The following PPP1R2 variants were observed in gnomAD, a reference collection of about 807,000 sequenced individuals.
PPP1R2 encodes the protein protein phosphatase 1 regulatory inhibitor subunit 2.
In PPP1R2, 16 loss-of-function variants were observed where a neutral mutation model predicts 29.9. That is an observed-to-expected ratio of 0.53 (90% CI 0.36 to 0.81). PPP1R2 has a LOEUF of 0.81. Among genes scored for constraint, PPP1R2 ranks in the 30% least tolerant of loss-of-function variants. PPP1R2 has a pLI of 0.00. For missense variants in PPP1R2, 197 were observed against 252.7 expected (o/e 0.78, Z 1.49); for synonymous variants, 76 against 91.5 (o/e 0.83, Z 0.96).
chr3:195,538,123 A>G lies in PPP1R2; in HGVS notation c.122+4781T>C, dbSNP rs1719462005. Among the ~76,000 whole-genome samples the G allele has an allele frequency of 2.6e-5, 4 of 152,328 alleles. No individual in the cohort carries two copies. The South Asian group carries it at 8.3e-4, about 32-fold the overall frequency. On this transcript the variant is annotated intron_variant, in intron 1 of 5. Transcript: ENST00000618156. Reference sequence around the variant, plus strand: ...CCATTTACATGGCAGATCTGCCATGATGGTGAAAGCACCTGCTGGTTTCAG... The same window carrying G: ...CCATTTACATGGCAGATCTGCCATGGTGGTGAAAGCACCTGCTGGTTTCAG...
rs35777335 is a variant in PPP1R2, at chr3:195,530,849, T to G, written c.123-948A>C. On this transcript the variant is annotated intron_variant, in intron 1 of 5. Coordinates refer to ENST00000618156, the MANE Select transcript of PPP1R2 (RefSeq NM_006241.8). ...ATTATTTTTGTTTTTTGAGACAGAGTTTTGCTCTTGTCGCCCAGGCTGGAG... is the reference window on the plus strand; with the variant it reads ...ATTATTTTTGTTTTTTGAGACAGAGGTTTGCTCTTGTCGCCCAGGCTGGAG... Among the ~76,000 whole-genome samples the G allele has an allele frequency of 1.9e-3, 285 of 150,406 alleles. 3 individuals are homozygous for G. Among genetic ancestry groups the G allele is most frequent in the African/African-American group, 6.7e-3 (272 of 40,786 alleles).
At chr3:195,530,001 T>G (rs185233471) in intron 1 of PPP1R2, 100 bp from the exon 2 acceptor site, 1 of 804,526 alleles carries the variant, frequency 1.2e-6, no homozygotes, top group Non-Finnish European at 2.0e-6. Flanking sequence ...AACTTCTATT[T>G]GATGGCCAAC....
At chr3:195,528,219 G>C (rs1034321977) in intron 2 of PPP1R2, among the ~76,000 whole-genome samples, 3 of 152,122 alleles carry the variant, frequency 2.0e-5, no homozygotes, top group African/African-American at 7.2e-5. Context: ...TTATAAGTGA[G>C]AACATACAAG....
At chr3:195,539,436 G>A (rs1390626235) in intron 1 of PPP1R2, among the ~76,000 whole-genome samples, 1 of 152,162 alleles carries the variant, frequency 6.6e-6, no homozygotes, top group African/African-American at 2.4e-5. Flanking sequence ...CATAAGTACT[G>A]GTGGGGCATG....
At position 195,515,042 on chromosome 3, in the gene PPP1R2, TA is replaced by T; in HGVS notation, c.*1853del. 3.6e-6 allele frequency: 1 copy of T among 279,468 alleles called. No homozygotes were observed. Among genetic ancestry groups the T allele is most frequent in the Non-Finnish European group, 7.4e-6 (1 of 135,350 alleles). The allele number at this position is 279,468 out of a possible 1,614,324, so 17.3% of individuals were successfully genotyped here. Reference sequence around the variant, plus strand: ...AAAAAAAGAGTATGTGGGTACTTTCTAAGAACTCAGAAACAAGAAAACCAAA... The same window carrying T: ...AAAAAAAGAGTATGTGGGTACTTTCTAGAACTCAGAAACAAGAAAACCAAA... On this transcript the variant is annotated 3_prime_UTR_variant, in exon 6 of 6. Coordinates refer to ENST00000618156, the MANE Select transcript of PPP1R2 (RefSeq NM_006241.8).
intron 1 of PPP1R2, among the ~76,000 whole-genome samples, chr3:195,531,013 G>A (rs1719160157): frequency 6.6e-6 from 1 of 151,306 alleles, no homozygotes; most frequent in Non-Finnish European, 1.5e-5. Context: ...GGTAGAGACG[G>A]GGTTTCACCA....
chr3:195,541,404 G>A (rs1004590220), intron 1 of PPP1R2, among the ~76,000 whole-genome samples: 1 of 150,432 alleles, frequency 6.6e-6, no homozygotes, highest in Non-Finnish European at 1.5e-5. Context: ...AGCTACATTT[G>A]AGCCTTCTGT....
At chr3:195,518,974 T>A in intron 5 of PPP1R2, 44 bp downstream of exon 5, 3 of 1,604,710 alleles carry the variant, frequency 1.9e-6, no homozygotes, top group Non-Finnish European at 2.6e-6. Flanking sequence ...ATCTTAGGCA[T>A]AGACCATTAC....
chr3:195,532,909 T>G (rs1719241830), intron 1 of PPP1R2, among the ~76,000 whole-genome samples: 1 of 152,224 alleles, frequency 6.6e-6, no homozygotes, highest in African/African-American at 2.4e-5. Flanking sequence ...TTAAAATTTA[T>G]CAAAACATGC....
chr3:195,543,104 C>A lies in PPP1R2; in HGVS notation c.-79G>T. 6.7e-7 allele frequency: 1 copy of A among 1,483,486 alleles called. No homozygotes were observed. The highest frequency in any genetic ancestry group is 1.3e-5 in the South Asian group (1 of 76,366). 91.9% of individuals were successfully genotyped at this position (1,483,486 alleles called of 1,614,324 possible). On this transcript the variant is annotated 5_prime_UTR_variant, in exon 1 of 6. Coordinates refer to ENST00000618156, the MANE Select transcript of PPP1R2 (RefSeq NM_006241.8). ...AAGAGAAGGGTCGGCACAGCAGAGA[C>A]TCGCAGGCAGCCGCAGATCCCGCTC...
At position 195,525,169 on chromosome 3, in the gene PPP1R2, G is replaced by A. The variant is rs189530324; in HGVS notation, c.231-273C>T. Among the ~76,000 whole-genome samples the A allele has an allele frequency of 9.8e-4, 149 of 152,144 alleles. 1 individual carries two copies. The highest frequency in any genetic ancestry group is 3.4e-3 in the Middle Eastern group (1 of 294). ...AGGATCCACATCCATGAATTCAACC[G>A]TGGATTGAAAATAGCCAGAGAAAAG... On this transcript the variant is annotated intron_variant, in intron 2 of 5. Coordinates refer to ENST00000618156, the MANE Select transcript of PPP1R2 (RefSeq NM_006241.8).
At chr3:195,523,436 A>C (rs1027923987) in intron 4 of PPP1R2, among the ~76,000 whole-genome samples, 3 of 152,268 alleles carry the variant, frequency 2.0e-5, no homozygotes, top group Non-Finnish European at 4.4e-5. Context: ...TCTACTCTGC[A>C]CTAAAAAGTA....
intron 1 of PPP1R2, among the ~76,000 whole-genome samples, chr3:195,537,096 A>T (rs1010945363): frequency 2.6e-5 from 4 of 151,994 alleles, no homozygotes; most frequent in Non-Finnish European, 4.4e-5. Context: ...AATATGTATA[A>T]GCTATCAAAA....
At chr3:195,528,345 T>C (rs933324213) in intron 2 of PPP1R2, among the ~76,000 whole-genome samples, 3 of 152,192 alleles carry the variant, frequency 2.0e-5, no homozygotes, top group African/African-American at 7.2e-5. Flanking sequence ...GGTACATACA[T>C]ATATACCACA....
At chr3:195,532,217 T>TTTTCTTTTTC (rs1553886650) in intron 1 of PPP1R2, among the ~76,000 whole-genome samples, 19 of 125,110 alleles carry the variant, frequency 1.5e-4, no homozygotes, top group African/African-American at 6.1e-4. Context: ...TTCTTTTTCT[T>TTTTCTTTTTC]TTTTTTTTTT....
intron 4 of PPP1R2, among the ~76,000 whole-genome samples, chr3:195,520,302 G>A (rs1220974148): frequency 1.3e-5 from 2 of 152,190 alleles, no homozygotes; most frequent in African/African-American, 2.4e-5. Flanking sequence ...GAGCCACTGC[G>A]CCTGGCTTCA....
Position 195,524,273 on chromosome 3 carries a change from G to A in PPP1R2, c.309-487C>T, listed in dbSNP as rs1718878457. On this transcript the variant is annotated intron_variant, in intron 3 of 5. Transcript: ENST00000618156. ...GCGGTGGTTCACCCCTGTAATCCCAGAACTTTAGGAGGCTGAAACCAGCGG... is the reference window on the plus strand; with the variant it reads ...GCGGTGGTTCACCCCTGTAATCCCAAAACTTTAGGAGGCTGAAACCAGCGG... 2.0e-5 allele frequency among the ~76,000 whole-genome samples: 3 copies of A among 152,140 alleles called. No homozygotes were observed. In the South Asian group the frequency reaches 6.2e-4, roughly 31 times the overall value.
At chr3:195,525,987 A>T (rs188869486) in intron 2 of PPP1R2, among the ~76,000 whole-genome samples, 1 of 152,328 alleles carries the variant, frequency 6.6e-6, no homozygotes, top group East Asian at 1.9e-4. Flanking sequence ...AAATTTACTG[A>T]ATTATGTTTA....
chr3:195,528,554 T>C (rs1719060047), intron 2 of PPP1R2, among the ~76,000 whole-genome samples: 1 of 152,156 alleles, frequency 6.6e-6, no homozygotes, highest in Admixed American at 6.5e-5. Flanking sequence ...AGTTCTTAAC[T>C]CTTCTTTCAC....
Sources: allele counts gnomAD v4.1 joint callset (sites outside exome capture counted in the v4.1 genomes callset), GRCh38; gene constraint gnomAD v4.1.1; transcripts MANE v1.5; gene names NCBI Gene and HGNC (gene_info 2026-07-23, HGNC 2026-07-21).